PPFIA2: variants seen among roughly 807,000 people sequenced by gnomAD.
The protein encoded by PPFIA2 is liprin-alpha-2.
PPFIA2 carries 46 observed loss-of-function variants against 175.5 expected under a neutral mutation model. The ratio of observed to expected loss-of-function variants is 0.26; its 90% CI spans 0.21 to 0.34. The LOEUF is 0.34. PPFIA2 is among the 10% of genes least tolerant of loss of function. The probability of loss-of-function intolerance (pLI) is 1.00; values close to 1 mark genes in which losing one functional copy is unlikely to be tolerated. For synonymous variants in PPFIA2, 568 were observed against 511.4 expected (o/e 1.11, Z -1.49); for missense variants, 1,179 against 1,506.1 (o/e 0.78, Z 3.60).
At chr12:81,424,778 C>T (rs566189465) in intron 7 of PPFIA2, 2 of 152,310 alleles carry the variant, frequency 1.3e-5, no homozygotes, top group African/African-American at 2.4e-5. Flanking sequence ...CCCTATAATA[C>T]CTGCTGGCTG....
At position 81,259,387 on chromosome 12, in the gene PPFIA2, T is replaced by C. The variant is rs1421301653; in HGVS notation, c.*307A>G. 4.8e-6 allele frequency: 3 copies of C among 629,230 alleles called. No homozygotes were observed. In the East Asian group the frequency reaches 9.5e-5, roughly 20 times the overall value. The allele number at this position is 629,230 out of a possible 1,614,324, so 39.0% of individuals were successfully genotyped here. On this transcript the variant is annotated 3_prime_UTR_variant, in exon 33 of 33. Transcript: ENST00000549396. ...ATGCCTAGTATATTACAATAAAACA[T>C]GAAAAACAACTGGCTTCATTTCATA...
chr12:81,713,780 A>T (rs1241676397), intron 3 of PPFIA2, among the ~76,000 whole-genome samples: 1 of 151,380 alleles, frequency 6.6e-6, no homozygotes, highest in East Asian at 2.0e-4. Context: ...CTCATCAAAA[A>T]AATTGATTGT....
At chr12:81,653,736 G>A (rs1482196461) in intron 4 of PPFIA2, among the ~76,000 whole-genome samples, 2 of 152,002 alleles carry the variant, frequency 1.3e-5, no homozygotes, top group African/African-American at 4.8e-5. Flanking sequence ...TTAACCCACT[G>A]CATTTCTTCT....
intron 4 of PPFIA2, among the ~76,000 whole-genome samples, chr12:81,627,938 T>C (rs957294260): frequency 1.3e-5 from 2 of 152,184 alleles, no homozygotes; most frequent in Non-Finnish European, 2.9e-5. Context: ...ATATGAATTA[T>C]AGACAAAATC....
At chr12:81,707,476 C>A (rs1376853608) in intron 3 of PPFIA2, among the ~76,000 whole-genome samples, 1 of 152,134 alleles carries the variant, frequency 6.6e-6, no homozygotes, top group African/African-American at 2.4e-5. Flanking sequence ...AATGAGATAT[C>A]ATCTCACACC....
chr12:81,688,883 G>A (rs931422415), intron 3 of PPFIA2, among the ~76,000 whole-genome samples: 30 of 148,498 alleles, frequency 2.0e-4, no homozygotes, highest in Admixed American at 4.7e-4. Flanking sequence ...TTATTTAACC[G>A]TATCTCTCCC....
intron 6 of PPFIA2, among the ~76,000 whole-genome samples, chr12:81,441,125 G>A (rs147139455): frequency 1.3e-5 from 2 of 151,412 alleles, no homozygotes; most frequent in African/African-American, 4.8e-5. Context: ...TGGGAATATA[G>A]ATTAAATTTA....
chr12:81,445,802 G>A, intron 5 of PPFIA2, 82 bp from the exon 6 acceptor site: 1 of 1,349,050 alleles, frequency 7.4e-7, no homozygotes, highest in Non-Finnish European at 1.0e-6. Context: ...TTAAATTATT[G>A]CAGGCTTACA....
chr12:81,670,864 C>A (rs568771890), intron 4 of PPFIA2, among the ~76,000 whole-genome samples: 3 of 151,988 alleles, frequency 2.0e-5, no homozygotes, highest in South Asian at 2.1e-4. Flanking sequence ...CATCCTTGGA[C>A]CCATCTCTGT....
intron 4 of PPFIA2, among the ~76,000 whole-genome samples, chr12:81,576,816 G>A (rs1434739116): frequency 4.3e-4 from 65 of 151,766 alleles, no homozygotes; most frequent in Admixed American, 4.2e-3. Context: ...CAACTAGTAT[G>A]ATTTCATCTG....
chr12:81,655,737 T>C (rs879647397), intron 4 of PPFIA2, among the ~76,000 whole-genome samples: 11 of 152,050 alleles, frequency 7.2e-5, no homozygotes, highest in African/African-American at 2.2e-4. Context: ...ATTTGGTCAA[T>C]TTGGGGAAAT....
intron 4 of PPFIA2, among the ~76,000 whole-genome samples, chr12:81,527,138 G>T (rs1311959041): frequency 6.6e-6 from 1 of 152,198 alleles, no homozygotes; most frequent in East Asian, 1.9e-4. Context: ...CAAGAATTCA[G>T]CTAATCAATA....
intron 4 of PPFIA2, among the ~76,000 whole-genome samples, chr12:81,674,270 T>C (rs566082494): frequency 1.3e-5 from 2 of 152,170 alleles, no homozygotes; most frequent in South Asian, 4.1e-4. Context: ...ATGTATTCTG[T>C]TCAATAAATG....
rs758367965 is a variant in PPFIA2, at chr12:81,268,035, T to C, written c.3363A>G (p.Gly1121=). 7 of 1,596,686 alleles carry C rather than the reference T, an allele frequency of 4.4e-6. No individual in the cohort carries two copies. In the Admixed American group the frequency reaches 1.2e-4, roughly 28 times the overall value. The stretch of plus-strand genomic sequence containing the variant: ...GTATATTATTTGCATATTCTCGAAG[T>C]CCAATTGCTTGTATCCAGCGAATAA... ...DRVIRWIQAI[G]LREYANNILE... is the part of the protein sequence containing the mutation. Residue 1121 remains glycine, a synonymous_variant, in exon 29 of 33, where the codon GGA becomes GGG. Coordinates refer to ENST00000549396, the MANE Select transcript of PPFIA2 (RefSeq NM_003625.5).
At chr12:81,504,073 A>G (rs1458569982) in intron 4 of PPFIA2, among the ~76,000 whole-genome samples, 5 of 152,058 alleles carry the variant, frequency 3.3e-5, no homozygotes, top group African/African-American at 4.8e-5. Context: ...GCAGCTAATG[A>G]GAAATAATTA....
intron 22 of PPFIA2, among the ~76,000 whole-genome samples, chr12:81,315,613 T>C (rs1226837697): frequency 1.3e-5 from 2 of 151,794 alleles, no homozygotes; most frequent in Non-Finnish European, 3.0e-5. Flanking sequence ...TTTGTGGTGA[T>C]GACAAGATTC....
chr12:81,499,979 C>T (rs2060425403), intron 4 of PPFIA2, among the ~76,000 whole-genome samples: 2 of 152,098 alleles, frequency 1.3e-5, no homozygotes, highest in Admixed American at 1.3e-4. Flanking sequence ...TCCAGGAACT[C>T]TTAAACTAAA....
intron 4 of PPFIA2, among the ~76,000 whole-genome samples, chr12:81,650,012 G>A (rs1045406881): frequency 6.8e-6 from 1 of 147,518 alleles, no homozygotes; most frequent in Non-Finnish European, 1.5e-5. Flanking sequence ...TTTTGTTTTT[G>A]TTTTTTTTTT....
At chr12:81,396,999 C>T (rs1167294570) in intron 8 of PPFIA2, among the ~76,000 whole-genome samples, 1 of 151,912 alleles carries the variant, frequency 6.6e-6, no homozygotes, top group Non-Finnish European at 1.5e-5. Context: ...GCAAAGTTTT[C>T]ATCATGTAAA....
Sources: allele counts gnomAD v4.1 joint callset (sites outside exome capture counted in the v4.1 genomes callset), GRCh38; gene constraint gnomAD v4.1.1; transcripts MANE v1.5; gene names NCBI Gene and HGNC (gene_info 2026-07-23, HGNC 2026-07-21).